The following B3GAT2 variants were observed in gnomAD, a reference collection of about 807,000 sequenced individuals.
B3GAT2 encodes the protein beta-1,3-glucuronyltransferase 2.
Under a neutral mutation model 27.8 loss-of-function variants are expected in B3GAT2, and 26 were observed. The observed-to-expected ratio is 0.93, with a 90% CI of 0.68 to 1.30. The LOEUF (loss-of-function observed/expected upper bound fraction) is 1.30. Among genes scored for constraint, B3GAT2 ranks in the 50% most tolerant of loss-of-function variants. The pLI is 0.00. For synonymous variants in B3GAT2, 218 were observed against 195.1 expected (o/e 1.12, Z -0.98); for missense variants, 458 against 459.0 (o/e 1.00, Z 0.02).
At chr6:70,919,653 C>T (rs1245610059) in intron 1 of B3GAT2, among the ~76,000 whole-genome samples, 2 of 152,122 alleles carry the variant, frequency 1.3e-5, no homozygotes, top group Non-Finnish European at 2.9e-5. Flanking sequence ...ACAGACAGTC[C>T]CCTCAGCTGC....
chr6:70,942,217 G>A (rs1765403606), intron 1 of B3GAT2, among the ~76,000 whole-genome samples: 2 of 152,208 alleles, frequency 1.3e-5, no homozygotes, highest in Admixed American at 1.3e-4. Flanking sequence ...CCAGGAAGAA[G>A]ATTCCAATGG....
chr6:70,909,967 G>A (rs1772664227), intron 1 of B3GAT2, among the ~76,000 whole-genome samples: 1 of 151,982 alleles, frequency 6.6e-6, no homozygotes, highest in Admixed American at 6.6e-5. Context: ...TCCACCTCCC[G>A]AGTTCATGCC....
chr6:70,896,978 A>C lies in B3GAT2; in HGVS notation c.592-2706T>G, dbSNP rs530644488. Among the ~76,000 whole-genome samples the C allele has an allele frequency of 2.5e-3, 382 of 152,194 alleles. 1 individual carries two copies. Among genetic ancestry groups the C allele is most frequent in the African/African-American group, 8.0e-3 (332 of 41,520 alleles). On this transcript the variant is annotated intron_variant, in intron 1 of 3. Coordinates refer to ENST00000230053, the MANE Select transcript of B3GAT2 (RefSeq NM_080742.3). ...AGGTATACATTTAACTTTTTCAGAA[A>C]CTGTCAGATTATTTTCCAAAGTGCT... is the stretch of plus-strand genomic sequence containing the variant.
At chr6:70,916,950 T>C (rs1163008723) in intron 1 of B3GAT2, among the ~76,000 whole-genome samples, 1 of 152,158 alleles carries the variant, frequency 6.6e-6, no homozygotes, top group Non-Finnish European at 1.5e-5. Context: ...TTTCTATTGA[T>C]TGGAATAGTT....
At chr6:70,887,562 G>A (rs1382844020) in intron 2 of B3GAT2, among the ~76,000 whole-genome samples, 4 of 152,224 alleles carry the variant, frequency 2.6e-5, no homozygotes, top group African/African-American at 4.8e-5. Flanking sequence ...GATTGGGCAA[G>A]GAGTGGAGGG....
chr6:70,944,655 CA>C (rs915795560), intron 1 of B3GAT2, among the ~76,000 whole-genome samples: 8 of 152,160 alleles, frequency 5.3e-5, no homozygotes, highest in Non-Finnish European at 8.8e-5. Context: ...CACAGACAAA[CA>C]AAAAGATGGC....
In B3GAT2 at chr6:70,860,241, C is replaced by CCCTACT. The variant is rs1771654726; in HGVS notation, c.*1416_*1421dup. The CCCTACT allele has an allele frequency of 6.2e-7, 1 of 1,613,378 alleles. No homozygotes were observed. Among genetic ancestry groups the CCCTACT allele is most frequent in the African/African-American group, 1.3e-5 (1 of 74,946 alleles). ...CTGGCATGAGTATCAGTAGTGCAAC[C>CCCTACT]CCTACTGCAGGTTTTGGCCAGCCCT... is the stretch of plus-strand genomic sequence containing the variant. On this transcript the variant is annotated 3_prime_UTR_variant, in exon 4 of 4. Coordinates refer to ENST00000230053, the MANE Select transcript of B3GAT2 (RefSeq NM_080742.3).
chr6:70,865,931 G>C (rs1025230944), intron 2 of B3GAT2, among the ~76,000 whole-genome samples: 2 of 152,146 alleles, frequency 1.3e-5, no homozygotes, highest in African/African-American at 2.4e-5. Context: ...ACCACAGGGA[G>C]GGGAACCCGG....
rs1765650353 is a variant in B3GAT2, at chr6:70,956,036, G to A, written c.394C>T (p.Arg132Trp). ...AGGTGAGTGCTGGGCAGCCCGGCCC[G>A]CGCCAGGAAGCGGCTCACCAGCTCG... is the stretch of plus-strand genomic sequence containing the variant. ...RSELVSRFLA[R>W]AGLPSTHLHV... Residue 132 changes from arginine to tryptophan, a missense_variant, in exon 1 of 4, where the codon CGG becomes TGG. By Grantham distance (101) the Arg-to-Trp change is moderately radical. Transcript: ENST00000230053. The A allele has an allele frequency of 1.3e-6, 2 of 1,557,718 alleles. No homozygotes were observed. Among genetic ancestry groups the A allele is most frequent in the Non-Finnish European group, 1.7e-6 (2 of 1,159,610 alleles).
intron 1 of B3GAT2, among the ~76,000 whole-genome samples, chr6:70,917,402 A>T (rs1429615408): frequency 6.6e-6 from 1 of 151,104 alleles, no homozygotes; most frequent in Non-Finnish European, 1.5e-5. Flanking sequence ...TCTCTCCTTT[A>T]GTTCTGCTCT....
intron 2 of B3GAT2, among the ~76,000 whole-genome samples, chr6:70,892,066 AGTT>A (rs1772298870): frequency 6.6e-6 from 1 of 152,224 alleles, no homozygotes; most frequent in Non-Finnish European, 1.5e-5. Context: ...GTGTGACAAA[AGTT>A]GTCTCCTTAG....
intron 1 of B3GAT2, among the ~76,000 whole-genome samples, chr6:70,923,861 T>G (rs1290655339): frequency 6.6e-6 from 1 of 152,222 alleles, no homozygotes; most frequent in East Asian, 1.9e-4. Flanking sequence ...TTTTCTATGC[T>G]GTATCATATT....
intron 1 of B3GAT2, among the ~76,000 whole-genome samples, chr6:70,930,986 A>G (rs1381093390): frequency 3.3e-5 from 5 of 152,240 alleles, no homozygotes; most frequent in African/African-American, 1.2e-4. Flanking sequence ...CATATGCACC[A>G]TGGAATACTA....
chr6:70,924,157 T>A (rs1313789970), intron 1 of B3GAT2, among the ~76,000 whole-genome samples: 1 of 151,976 alleles, frequency 6.6e-6, no homozygotes, highest in East Asian at 1.9e-4. Context: ...CCCCAAAATT[T>A]AAAAAATAAA....
intron 2 of B3GAT2, among the ~76,000 whole-genome samples, chr6:70,891,336 A>T (rs542312005): frequency 2.6e-5 from 4 of 152,316 alleles, no homozygotes; most frequent in African/African-American, 9.6e-5. Context: ...TCATTATTTT[A>T]AAAAATATCC....
chr6:70,875,248 G>A (rs1415764040), intron 2 of B3GAT2, among the ~76,000 whole-genome samples: 1 of 152,104 alleles, frequency 6.6e-6, no homozygotes, highest in Non-Finnish European at 1.5e-5. Flanking sequence ...TTTGATGATT[G>A]AAAACAGAAA....
At chr6:70,915,502 T>C (rs1412402588) in intron 1 of B3GAT2, among the ~76,000 whole-genome samples, 3 of 152,214 alleles carry the variant, frequency 2.0e-5, no homozygotes, top group Non-Finnish European at 2.9e-5. Flanking sequence ...CTGAAGGGTA[T>C]TGCCTAGGTT....
chr6:70,880,139 G>A (rs1772078726), intron 2 of B3GAT2, among the ~76,000 whole-genome samples: 2 of 152,046 alleles, frequency 1.3e-5, no homozygotes, highest in Admixed American at 1.3e-4. Flanking sequence ...GAGAGAGACT[G>A]GAGTGGTAAA....
rs1771610649 is a variant in B3GAT2 at position 70,859,561 on chromosome 6, A to G, written c.*2102T>C. 1.9e-6 allele frequency: 1 copy of G among 526,424 alleles called. No homozygotes were observed. Among genetic ancestry groups the G allele is most frequent in the Non-Finnish European group, 3.2e-6 (1 of 307,716 alleles). 32.6% of individuals were successfully genotyped at this position (526,424 alleles called of 1,614,324 possible). ...AACTCTGAGTGTAAGTTTTAAACCCACTCACTATATGGTAAATCTTGCCTT... is the reference window on the plus strand; with the variant it reads ...AACTCTGAGTGTAAGTTTTAAACCCGCTCACTATATGGTAAATCTTGCCTT... On this transcript the variant is annotated 3_prime_UTR_variant, in exon 4 of 4. Coordinates refer to ENST00000230053, the MANE Select transcript of B3GAT2 (RefSeq NM_080742.3).
Sources: gnomAD v4.1 joint callset for allele counts (sites outside exome capture counted in the v4.1 genomes callset) on GRCh38, gnomAD v4.1.1 for gene constraint, MANE v1.5 for transcripts, NCBI Gene and HGNC (gene_info 2026-07-23, HGNC 2026-07-21) for gene names.